Variants in SLFN14 observed in about 807,000 individuals in gnomAD.
SLFN14 encodes schlafen family member 14.
A neutral mutation model predicts 58.6 loss-of-function variants in SLFN14; 47 were observed. That is an observed-to-expected ratio of 0.80 (90% CI 0.64 to 1.02). The LOEUF is 1.02. Among genes scored for constraint, SLFN14 ranks in the 50% least tolerant of loss-of-function variants. The pLI is 0.00. For synonymous variants in SLFN14, 390 were observed against 387.3 expected, an observed-to-expected ratio of 1.01 and a Z score of -0.08; for missense variants, 967 against 1,078.4, an observed-to-expected ratio of 0.90 and a Z score of 1.45.
intron 5 of SLFN14, among the ~76,000 whole-genome samples, chr17:35,550,115 C>T (rs537561550): frequency 6.6e-6 from 1 of 152,310 alleles, no homozygotes; most frequent in African/African-American, 2.4e-5. Context: ...CTGGTGTCTC[C>T]ATGTCTTTGA....
intron 3 of SLFN14, 43 bp from the exon 4 acceptor site, chr17:35,554,747 A>G: frequency 8.0e-7 from 1 of 1,244,342 alleles, no homozygotes; most frequent in East Asian, 3.3e-5. Flanking sequence ...AAAAATAAAA[A>G]GTTAAAAAAA....
Position 35,557,274 on chromosome 17 carries a change from A to G in SLFN14, c.789T>C (p.Asn263=), listed in dbSNP as rs766465832. The G allele has an allele frequency of 4.5e-6, 7 of 1,551,506 alleles. No individual in the cohort carries two copies. In the African/African-American group the frequency reaches 5.5e-5, roughly 12 times the overall value. Residue 263 remains asparagine (N), a synonymous_variant, in exon 3 of 6, where the codon AAT becomes AAC. Coordinates refer to ENST00000674182, the MANE Select transcript of SLFN14 (RefSeq NM_001129820.2). ...EVVGCKWEKV[N]PDLLKKEIEN... ...CGATTTCTTTTTTTAGTAAGTCAGG[A>G]TTCACTTTTTCCCACTTACATCCAA...
At position 35,544,365 on chromosome 17, in the gene SLFN14, C is replaced by G. The variant is rs1240614883; in HGVS notation, c.*3874G>C. On this transcript the variant is annotated 3_prime_UTR_variant, in exon 6 of 6. Coordinates refer to ENST00000674182, the MANE Select transcript of SLFN14 (RefSeq NM_001129820.2). ...ACAATAATGTAGTCTATAGCAATAT[C>G]TCACAAAACAATTAAATGGAAAAAG... Among the ~76,000 whole-genome samples the G allele has an allele frequency of 6.6e-6, 1 of 151,834 alleles. No homozygotes were observed. Among genetic ancestry groups the G allele is most frequent in the Admixed American group, 6.6e-5 (1 of 15,242 alleles).
intron 3 of SLFN14, 61 bp from the exon 4 acceptor site, chr17:35,554,765 A>T: frequency 8.3e-7 from 1 of 1,211,262 alleles, no homozygotes. Context: ...AAAAAAAAAA[A>T]AAAGCCTCTT....
At chr17:35,560,217 G>A (rs1175063617) in intron 1 of SLFN14, among the ~76,000 whole-genome samples, 2 of 152,176 alleles carry the variant, frequency 1.3e-5, no homozygotes, top group African/African-American at 2.4e-5. Context: ...CTATGGTCTC[G>A]TGACTCGTAA....
intron 3 of SLFN14, among the ~76,000 whole-genome samples, chr17:35,555,506 C>T (rs1293594190): frequency 1.3e-5 from 2 of 150,344 alleles, no homozygotes; most frequent in South Asian, 2.1e-4. Flanking sequence ...GAGCTGAGAT[C>T]GTGCCGCTGC....
intron 3 of SLFN14, 125 bp from the exon 4 acceptor site, chr17:35,554,829 G>A (rs942772751): frequency 3.9e-6 from 3 of 763,776 alleles, no homozygotes; most frequent in Non-Finnish European, 5.5e-6. Context: ...CTGAGCAGTC[G>A]TACTTACTAT....
Position 35,546,473 on chromosome 17 carries a change from G to C in SLFN14, c.*1766C>G, listed in dbSNP as rs1170107148. Among the ~76,000 whole-genome samples the C allele has an allele frequency of 6.6e-6, 1 of 152,196 alleles. No individual in the cohort carries two copies. Among genetic ancestry groups the C allele is most frequent in the African/African-American group, 2.4e-5 (1 of 41,438 alleles). On this transcript the variant is annotated 3_prime_UTR_variant, in exon 6 of 6. Transcript: ENST00000674182. ...TGCCTGCTCTTCCACCTCTTGGAAGGCTGAGGGGCTTTATCTAAAATCATA... is the reference window on the plus strand; with the variant it reads ...TGCCTGCTCTTCCACCTCTTGGAAGCCTGAGGGGCTTTATCTAAAATCATA...
rs1363125880 is a variant in SLFN14, at chr17:35,544,058, G to A, written c.*4181C>T. Among the ~76,000 whole-genome samples, 1 of 152,152 alleles carries A rather than the reference G, an allele frequency of 6.6e-6. No individual in the cohort carries two copies. The highest frequency in any genetic ancestry group is 1.5e-5 in the Non-Finnish European group (1 of 68,030). ...GCTGGATTTTGGCTAAGCTAGTTAGGACTGGTGGAACTTGGCTCCAGGCCA... is the reference window on the plus strand; with the variant it reads ...GCTGGATTTTGGCTAAGCTAGTTAGAACTGGTGGAACTTGGCTCCAGGCCA... On this transcript the variant is annotated 3_prime_UTR_variant, in exon 6 of 6. Coordinates refer to ENST00000674182, the MANE Select transcript of SLFN14 (RefSeq NM_001129820.2).
intron 5 of SLFN14, among the ~76,000 whole-genome samples, chr17:35,551,991 C>A (rs2072593563): frequency 6.6e-6 from 1 of 152,192 alleles, no homozygotes. Context: ...GTATCTTTAA[C>A]CTCCTTGTTA....
chr17:35,554,798 A>G (rs1597908544), intron 3 of SLFN14, 94 bp from the exon 4 acceptor site: 1 of 1,119,770 alleles, frequency 8.9e-7, no homozygotes, highest in Non-Finnish European at 1.2e-6. Flanking sequence ...CTTACTGGAG[A>G]CCTGTGATGT....
At chr17:35,554,353 A>G (rs2072628264) in intron 4 of SLFN14, among the ~76,000 whole-genome samples, 1 of 147,270 alleles carries the variant, frequency 6.8e-6, no homozygotes, top group Non-Finnish European at 1.5e-5. Flanking sequence ...ATTAATAATA[A>G]ATATTAATAA....
intron 1 of SLFN14, among the ~76,000 whole-genome samples, 86 bp from the exon 2 acceptor site, chr17:35,559,891 G>T (rs1300044109): frequency 6.6e-6 from 1 of 152,144 alleles, no homozygotes; most frequent in Non-Finnish European, 1.5e-5. Context: ...GTATTTTATG[G>T]CTCCTTAGGG....
rs980409641 is a variant in SLFN14 at position 35,544,985 on chromosome 17, A to G, written c.*3254T>C. On this transcript the variant is annotated 3_prime_UTR_variant, in exon 6 of 6. Coordinates refer to ENST00000674182, the MANE Select transcript of SLFN14 (RefSeq NM_001129820.2). The stretch of plus-strand genomic sequence containing the variant: ...TTTCATTTAGTTAATTGCTTTATCC[A>G]TCATATTAAGACTTTGTAGAAAACA... Among the ~76,000 whole-genome samples, 47 of 152,168 alleles carry G rather than the reference A, an allele frequency of 3.1e-4. No homozygotes were observed. The highest frequency in any genetic ancestry group is 2.6e-4 in the Non-Finnish European group (18 of 68,026).
Position 35,548,614 on chromosome 17 carries a change from A to G in SLFN14, c.2364T>C (p.Asn788=), listed in dbSNP as rs1210421430. 2 of 1,551,742 alleles carry G rather than the reference A, an allele frequency of 1.3e-6. No homozygotes were observed. The highest frequency in any genetic ancestry group is 1.2e-5 in the South Asian group (1 of 84,064). Residue 788 remains asparagine, a synonymous_variant, in exon 6 of 6, where the codon AAT becomes AAC. Coordinates refer to ENST00000674182, the MANE Select transcript of SLFN14 (RefSeq NM_001129820.2). ...ALPGVCETKT[N]LTTEQIANYV... is the part of the protein sequence containing the mutation. ...AGTTAGCTATTTGTTCTGTTGTCAG[A>G]TTAGTCTTTGTCTCACACACCCCAG...
At chr17:35,549,987 G>T (rs1288459819) in intron 5 of SLFN14, among the ~76,000 whole-genome samples, 1 of 152,152 alleles carries the variant, frequency 6.6e-6, no homozygotes, top group Non-Finnish European at 1.5e-5. Context: ...AAAGAACGTA[G>T]TCCTCAGCAC....
intron 2 of SLFN14, among the ~76,000 whole-genome samples, chr17:35,559,093 G>A (rs2142214398): frequency 6.6e-6 from 1 of 152,070 alleles, no homozygotes; most frequent in South Asian, 2.1e-4. Context: ...AGGTATGGTG[G>A]TGCGCACCTG....
chr17:35,551,947 C>G (rs555195528), intron 5 of SLFN14, among the ~76,000 whole-genome samples: 1 of 152,300 alleles, frequency 6.6e-6, no homozygotes, highest in Admixed American at 6.5e-5. Flanking sequence ...CTCTTTGGAC[C>G]CTGTATCTTT....
intron 5 of SLFN14, among the ~76,000 whole-genome samples, chr17:35,551,962 T>C (rs1293228486): frequency 6.6e-6 from 1 of 152,200 alleles, no homozygotes; most frequent in Non-Finnish European, 1.5e-5. Flanking sequence ...ATCTTTAACC[T>C]CCTTGTTAAT....
Sources: gnomAD v4.1 joint callset for allele counts (sites outside exome capture counted in the v4.1 genomes callset) on GRCh38, gnomAD v4.1.1 for gene constraint, MANE v1.5 for transcripts, NCBI Gene and HGNC (gene_info 2026-07-23, HGNC 2026-07-21) for gene names.